The following IPMK variants were observed in gnomAD, a reference collection of about 807,000 sequenced individuals.
IPMK encodes the protein inositol 1,3,4,6-tetrakisphosphate 5-kinase.
IPMK carries 17 observed loss-of-function variants against 45.8 expected under a neutral mutation model. The ratio of observed to expected loss-of-function variants is 0.37; its 90% CI spans 0.25 to 0.56. The LOEUF (loss-of-function observed/expected upper bound fraction) is 0.56. IPMK is among the 20% of genes least tolerant of loss of function. The pLI, the probability that IPMK is intolerant of heterozygous loss-of-function variation, is 0.79. For synonymous variants in IPMK, 180 were observed against 184.3 expected, an observed-to-expected ratio of 0.98 and a Z score of 0.19; for missense variants, 399 against 498.0, an observed-to-expected ratio of 0.80 and a Z score of 1.89.
chr10:58,206,059 A>T (rs2132146236), intron 4 of IPMK, among the ~76,000 whole-genome samples: 1 of 152,354 alleles, frequency 6.6e-6, no homozygotes, highest in African/African-American at 2.4e-5. Flanking sequence ...AAAGTCCATC[A>T]ATGAATGAAT....
intron 3 of IPMK, among the ~76,000 whole-genome samples, chr10:58,217,155 G>A (rs1484449750): frequency 1.3e-5 from 1 of 74,738 alleles, no homozygotes; most frequent in Non-Finnish European, 2.4e-5. Context: ...AGCCCATCTT[G>A]CTTTTTTTTT....
chr10:58,207,433 T>C (rs772010041), intron 4 of IPMK, among the ~76,000 whole-genome samples: 1 of 152,252 alleles, frequency 6.6e-6, no homozygotes, highest in Non-Finnish European at 1.5e-5. Flanking sequence ...AGTAGTGGGA[T>C]TGCTAGATCG....
chr10:58,237,173 A>G (rs924085784), intron 2 of IPMK, among the ~76,000 whole-genome samples: 6 of 152,212 alleles, frequency 3.9e-5, no homozygotes, highest in African/African-American at 1.4e-4. Flanking sequence ...AACTGCATCA[A>G]TGAGATCCCT....
At chr10:58,249,141 C>A (rs1387553046) in intron 1 of IPMK, among the ~76,000 whole-genome samples, 2 of 152,330 alleles carry the variant, frequency 1.3e-5, no homozygotes. Flanking sequence ...ATTTACATAC[C>A]TAACAACTGT....
chr10:58,196,767 T>C (rs753999854), intron 5 of IPMK, 69 bp from the exon 6 acceptor site: 51 of 1,056,368 alleles, frequency 4.8e-5, no homozygotes, highest in Non-Finnish European at 6.7e-5. Context: ...AGTAAACTCA[T>C]CACAGAATTC....
At chr10:58,261,390 A>G (rs1839064238) in intron 1 of IPMK, among the ~76,000 whole-genome samples, 1 of 151,898 alleles carries the variant, frequency 6.6e-6, no homozygotes, top group Non-Finnish European at 1.5e-5. Flanking sequence ...ACTTTTCTGT[A>G]AAGTTTTGTT....
At chr10:58,210,916 C>T (rs775974678) in intron 4 of IPMK, among the ~76,000 whole-genome samples, 24 of 152,174 alleles carry the variant, frequency 1.6e-4, no homozygotes, top group Non-Finnish European at 2.9e-4. Flanking sequence ...TTGTGAATCT[C>T]CACACACTGT....
chr10:58,243,394 C>T (rs1459063375), intron 1 of IPMK, among the ~76,000 whole-genome samples: 1 of 152,360 alleles, frequency 6.6e-6, no homozygotes, highest in Admixed American at 6.5e-5. Context: ...CCTCTTTCTA[C>T]GGTCTCCCTC....
chr10:58,230,157 G>C (rs996320865), intron 2 of IPMK, among the ~76,000 whole-genome samples: 3 of 152,218 alleles, frequency 2.0e-5, no homozygotes, highest in Admixed American at 6.5e-5. Flanking sequence ...TGGGAAGCTC[G>C]AACTGGGTGG....
chr10:58,234,171 C>T (rs1386596534), intron 2 of IPMK, among the ~76,000 whole-genome samples: 1 of 152,086 alleles, frequency 6.6e-6, no homozygotes, highest in Non-Finnish European at 1.5e-5. Flanking sequence ...AAAGAGGACA[C>T]AAACAAAGGG....
At chr10:58,252,483 G>C (rs748128942) in intron 1 of IPMK, among the ~76,000 whole-genome samples, 41 of 147,806 alleles carry the variant, frequency 2.8e-4, no homozygotes, top group African/African-American at 3.7e-4. Flanking sequence ...AGCGGTCCAT[G>C]TGCATGTTTG....
chr10:58,265,487 A>G (rs1291584815), intron 1 of IPMK, among the ~76,000 whole-genome samples: 1 of 152,182 alleles, frequency 6.6e-6, no homozygotes, highest in East Asian at 1.9e-4. Context: ...CATCTTATCC[A>G]TTTTACAAAT....
chr10:58,261,307 G>T (rs1417498374), intron 1 of IPMK, among the ~76,000 whole-genome samples: 1 of 151,550 alleles, frequency 6.6e-6, no homozygotes, highest in Non-Finnish European at 1.5e-5. Flanking sequence ...AGAAAACAAT[G>T]AAATTGATTA....
chr10:58,240,169 G>A (rs1838675744), intron 1 of IPMK, among the ~76,000 whole-genome samples: 1 of 151,724 alleles, frequency 6.6e-6, no homozygotes, highest in South Asian at 2.1e-4. Context: ...AAAGATGAAT[G>A]CAAATGCTAA....
At chr10:58,261,690 C>A (rs111343853) in intron 1 of IPMK, among the ~76,000 whole-genome samples, 7,487 of 151,916 alleles carry the variant, frequency 0.049, 439 homozygotes, top group East Asian at 0.31. Context: ...TCATGTGATT[C>A]TCCTGCCTCA....
intron 1 of IPMK, among the ~76,000 whole-genome samples, chr10:58,245,722 C>G (rs1838789387): frequency 6.6e-6 from 1 of 151,656 alleles, no homozygotes; most frequent in African/African-American, 2.4e-5. Flanking sequence ...AAACTGGAAG[C>G]ATTCCCTTTG....
chr10:58,258,082 G>A (rs549340599), intron 1 of IPMK, among the ~76,000 whole-genome samples: 78 of 152,140 alleles, frequency 5.1e-4, no homozygotes, highest in Non-Finnish European at 9.6e-4. Context: ...AGGCCAAGGC[G>A]TGCAGATCAT....
At chr10:58,215,385 A>ATTT (rs57335566) in intron 4 of IPMK, among the ~76,000 whole-genome samples, 6 of 143,964 alleles carry the variant, frequency 4.2e-5, no homozygotes, top group African/African-American at 1.0e-4. Context: ...ACAATTACCT[A>ATTT]TTTTTTTTTT....
intron 1 of IPMK, among the ~76,000 whole-genome samples, chr10:58,241,350 T>C (rs1298419538): frequency 6.6e-6 from 1 of 152,102 alleles, no homozygotes; most frequent in Non-Finnish European, 1.5e-5. Context: ...AATAGTAATC[T>C]ACATTTGCGG....
Sources: gnomAD v4.1 joint callset for allele counts (sites outside exome capture counted in the v4.1 genomes callset) on GRCh38, gnomAD v4.1.1 for gene constraint, MANE v1.5 for transcripts, NCBI Gene and HGNC (gene_info 2026-07-23, HGNC 2026-07-21) for gene names.